Variants in SORCS1 observed in about 807,000 individuals in gnomAD.
SORCS1 encodes VPS10 domain-containing receptor SorCS1.
A neutral mutation model predicts 146.1 loss-of-function variants in SORCS1; 60 were observed. The ratio of observed to expected loss-of-function variants is 0.41; its 90% CI spans 0.33 to 0.51. The LOEUF (loss-of-function observed/expected upper bound fraction) is 0.51, where lower values mean the gene tolerates loss of function less well. Among genes scored for constraint, SORCS1 ranks in the 20% least tolerant of loss-of-function variants. The probability of loss-of-function intolerance (pLI) is 0.21; values close to 1 mark genes in which losing one functional copy is unlikely to be tolerated. For missense variants in SORCS1, 1,352 were observed against 1,487.6 expected (o/e 0.91, Z 1.50); for synonymous variants, 637 against 584.0 (o/e 1.09, Z -1.31).
At chr10:107,180,634 C>T in the SORCS1 span, among the ~76,000 whole-genome samples, 1 of 152,014 alleles carries the variant, frequency 6.6e-6, no homozygotes, top group Admixed American at 6.6e-5. Context: ...TTGATTTCTG[C>T]TCTTATAATT....
chr10:106,810,699 C>T (rs535336956), intron 3 of SORCS1, among the ~76,000 whole-genome samples: 14 of 152,318 alleles, frequency 9.2e-5, no homozygotes, highest in African/African-American at 3.1e-4. Flanking sequence ...ATTCCAGTCC[C>T]TACTTCAATT....
chr10:106,887,253 G>A lies in SORCS1; in HGVS notation c.627-57580C>T, dbSNP rs187907120. Among the ~76,000 whole-genome samples, 8 of 152,198 alleles carry A rather than the reference G, an allele frequency of 5.3e-5. No homozygotes were observed. In the East Asian group the frequency reaches 1.5e-3, roughly 29 times the overall value. On this transcript the variant is annotated intron_variant, in intron 2 of 25. Coordinates refer to ENST00000263054, the MANE Select transcript of SORCS1 (RefSeq NM_052918.5). ...ACTGTTGATACATTAAAATGAAAAT[G>A]ACATTTAAAATATGTTAATGAATAT...
At chr10:106,751,503 G>C (rs1238469761) in intron 5 of SORCS1, among the ~76,000 whole-genome samples, 2 of 152,234 alleles carry the variant, frequency 1.3e-5, no homozygotes, top group Non-Finnish European at 2.9e-5. Flanking sequence ...CACTGTGAGA[G>C]CAGTCTAGGA....
intron 25 of SORCS1, chr10:106,578,806 G>A (rs1844719246): frequency 2.4e-6 from 3 of 1,259,026 alleles, no homozygotes; most frequent in Non-Finnish European, 3.0e-6. Context: ...TTTGCTCTTT[G>A]CCCATAAACA....
chr10:106,778,403 T>C (rs1860627904), intron 3 of SORCS1, among the ~76,000 whole-genome samples: 1 of 152,024 alleles, frequency 6.6e-6, no homozygotes, highest in Non-Finnish European at 1.5e-5. Flanking sequence ...AAGTTATGGA[T>C]TTCTCTGTCT....
chr10:106,820,833 C>A (rs1297451232), intron 3 of SORCS1, among the ~76,000 whole-genome samples: 1 of 152,104 alleles, frequency 6.6e-6, no homozygotes, highest in East Asian at 1.9e-4. Context: ...GTGCTGGAAG[C>A]AAACAGACCA....
intron 1 of SORCS1, among the ~76,000 whole-genome samples, chr10:107,153,313 C>G (rs1968988933): frequency 6.6e-6 from 1 of 152,046 alleles, no homozygotes; most frequent in Non-Finnish European, 1.5e-5. Flanking sequence ...TACATTGGTG[C>G]TTATGTTGCT....
At chr10:106,938,999 C>T (rs886115031) in intron 2 of SORCS1, among the ~76,000 whole-genome samples, 5 of 152,156 alleles carry the variant, frequency 3.3e-5, no homozygotes, top group South Asian at 4.1e-4. Context: ...AAAGGGAAAA[C>T]GTCCCATGTA....
At position 106,675,162 on chromosome 10, in the gene SORCS1, G is replaced by C. The variant is rs1432746261; in HGVS notation, c.1833-6C>G. The C allele has an allele frequency of 1.9e-6, 3 of 1,599,368 alleles. No homozygotes were observed. Among genetic ancestry groups the C allele is most frequent in the Admixed American group, 3.4e-5 (2 of 59,402 alleles). ...TCCCTTCATCAAAACTCAACCTAAT[G>C]ATATAAAAAATATCAGTCATCAGAT... On this transcript the variant is annotated splice_polypyrimidine_tract_variant and splice_region_variant and intron_variant, in intron 13 of 25. Transcript: ENST00000263054.
chr10:106,800,333 T>C (rs1454325484), intron 3 of SORCS1, among the ~76,000 whole-genome samples: 1 of 152,144 alleles, frequency 6.6e-6, no homozygotes, highest in East Asian at 1.9e-4. Flanking sequence ...GATACTTACA[T>C]AAAACCTCCA....
intron 1 of SORCS1, among the ~76,000 whole-genome samples, chr10:107,154,021 T>TC (rs968147528): frequency 7.0e-6 from 1 of 143,236 alleles, no homozygotes; most frequent in Non-Finnish European, 1.5e-5. Flanking sequence ...TTTTTTTTTT[T>TC]TTTTTTTTGA....
chr10:106,797,891 T>C (rs1433561607), intron 3 of SORCS1, among the ~76,000 whole-genome samples: 1 of 152,168 alleles, frequency 6.6e-6, no homozygotes, highest in Non-Finnish European at 1.5e-5. Context: ...TTTTTAAAAC[T>C]AACCGTAGGC....
At chr10:106,979,494 T>C (rs1157631296) in intron 1 of SORCS1, among the ~76,000 whole-genome samples, 2 of 152,100 alleles carry the variant, frequency 1.3e-5, no homozygotes, top group Admixed American at 6.6e-5. Flanking sequence ...TCAGTATGTT[T>C]CTAAAATAAA....
upstream of SORCS1, among the ~76,000 whole-genome samples, chr10:107,169,551 T>C (rs1038025713): frequency 6.6e-6 from 1 of 152,204 alleles, no homozygotes; most frequent in Non-Finnish European, 1.5e-5. Flanking sequence ...TTATGAAAGT[T>C]AATTCTACCT....
chr10:106,945,217 T>C (rs559713085), intron 2 of SORCS1, among the ~76,000 whole-genome samples: 141 of 152,124 alleles, frequency 9.3e-4, no homozygotes, highest in African/African-American at 3.2e-3. Flanking sequence ...TAGATACGAA[T>C]GGCTTCTTAA....
At chr10:106,837,574 C>A (rs1948838439) in intron 2 of SORCS1, among the ~76,000 whole-genome samples, 1 of 149,942 alleles carries the variant, frequency 6.7e-6, no homozygotes, top group Non-Finnish European at 1.5e-5. Flanking sequence ...TAACTGAGAC[C>A]CCCAATAACA....
rs920575849 is a variant in SORCS1, at chr10:106,960,081, C to T, written c.559-3501G>A. On this transcript the variant is annotated intron_variant, in intron 1 of 25. Coordinates refer to ENST00000263054, the MANE Select transcript of SORCS1 (RefSeq NM_052918.5). The surrounding 1 kb of genome is among the most constrained non-coding windows in gnomAD (Gnocchi z 4.4). ...TTGTTTTCATTATACAGTGTTAAAA[C>T]ATCCCTGATTCAAAACAAGTGGTCA... is the stretch of plus-strand genomic sequence containing the variant. Among the ~76,000 whole-genome samples, 5 of 152,330 alleles carry T rather than the reference C, an allele frequency of 3.3e-5. No individual in the cohort carries two copies. The highest frequency in any genetic ancestry group is 2.1e-4 in the South Asian group (1 of 4,824).
At chr10:107,171,391 A>G in the SORCS1 span, among the ~76,000 whole-genome samples, 1 of 152,240 alleles carries the variant, frequency 6.6e-6, no homozygotes, top group African/African-American at 2.4e-5. Flanking sequence ...ATCAATCTGC[A>G]TCTTTGCAAG....
chr10:107,065,592 A>C (rs917526988), intron 1 of SORCS1, among the ~76,000 whole-genome samples: 3 of 147,248 alleles, frequency 2.0e-5, no homozygotes, highest in Non-Finnish European at 3.0e-5. Flanking sequence ...ATCTCAACTC[A>C]CTGCAACTTT....
Sources: gnomAD v4.1 joint callset for allele counts (sites outside exome capture counted in the v4.1 genomes callset) on GRCh38, gnomAD v4.1.1 for gene constraint, Gnocchi (gnomAD v3.1) non-coding constraint, MANE v1.5 for transcripts, NCBI Gene and HGNC (gene_info 2026-07-23, HGNC 2026-07-21) for gene names.